The following NXPH1 variants were observed in gnomAD, a reference collection of about 807,000 sequenced individuals.
NXPH1 encodes neurexophilin 1.
NXPH1 carries 5 observed loss-of-function variants against 23.7 expected under a neutral mutation model. The observed-to-expected ratio is 0.21, with a 90% CI of 0.11 to 0.44. The LOEUF (loss-of-function observed/expected upper bound fraction) is 0.44, where lower values mean the gene tolerates loss of function less well. Ranked by LOEUF, NXPH1 falls within the 20% of genes least tolerant of loss-of-function variation. The probability of loss-of-function intolerance (pLI) is 0.99; values close to 1 mark genes in which losing one functional copy is unlikely to be tolerated. For missense variants in NXPH1, 324 were observed against 321.6 expected (o/e 1.01, Z -0.06); for synonymous variants, 144 against 122.2 (o/e 1.18, Z -1.18).
Position 8,597,951 on chromosome 7 carries a change from C to T in NXPH1, c.55-153057C>T, listed in dbSNP as rs1180893880. ...AGTTCTTTTACTGCGGAGAGTGGTC[C>T]TATCATTTGAGTGTAGTCAATTAGC... On this transcript the variant is annotated intron_variant, in intron 2 of 2. Transcript: ENST00000405863. 2.6e-5 allele frequency among the ~76,000 whole-genome samples: 4 copies of T among 151,764 alleles called. No homozygotes were observed. In the East Asian group the frequency reaches 7.8e-4, roughly 30 times the overall value.
At chr7:8,579,888 G>C (rs897846195) in intron 2 of NXPH1, among the ~76,000 whole-genome samples, 1 of 152,102 alleles carries the variant, frequency 6.6e-6, no homozygotes, top group African/African-American at 2.4e-5. Context: ...ATCTAGAAGC[G>C]GGTCAGGCAT....
chr7:8,614,185 A>C (rs1819682281), intron 2 of NXPH1, among the ~76,000 whole-genome samples: 1 of 151,942 alleles, frequency 6.6e-6, no homozygotes, highest in Non-Finnish European at 1.5e-5. Context: ...TTTGTTAGAT[A>C]GATTATATCT....
intron 2 of NXPH1, among the ~76,000 whole-genome samples, chr7:8,535,826 G>A (rs1339179995): frequency 6.6e-6 from 1 of 151,970 alleles, no homozygotes; most frequent in Non-Finnish European, 1.5e-5. Context: ...AAAGGTGGTT[G>A]ATGTGAAAAT....
chr7:8,654,838 G>A (rs747506161), intron 2 of NXPH1, among the ~76,000 whole-genome samples: 10 of 152,194 alleles, frequency 6.6e-5, no homozygotes, highest in Non-Finnish European at 1.2e-4. Context: ...ACAGAAGAAA[G>A]AAGGGGTTTG....
At chr7:8,567,184 C>T in intron 2 of NXPH1, among the ~76,000 whole-genome samples, 1 of 151,992 alleles carries the variant, frequency 6.6e-6, no homozygotes, top group African/African-American at 2.4e-5. Flanking sequence ...GATTTTATCT[C>T]CCCCAAATAA....
chr7:8,557,982 C>T (rs1818387447), intron 2 of NXPH1, among the ~76,000 whole-genome samples: 1 of 151,670 alleles, frequency 6.6e-6, no homozygotes. Flanking sequence ...ATTATCCTCT[C>T]TGCCCGCACA....
At chr7:8,567,470 G>A (rs567641914) in intron 2 of NXPH1, among the ~76,000 whole-genome samples, 1 of 151,914 alleles carries the variant, frequency 6.6e-6, no homozygotes, top group East Asian at 2.0e-4. Context: ...CCTTAGAATG[G>A]GACAATTTCT....
chr7:8,746,188 G>A (rs1300348498), intron 2 of NXPH1, among the ~76,000 whole-genome samples: 1 of 152,032 alleles, frequency 6.6e-6, no homozygotes, highest in Non-Finnish European at 1.5e-5. Flanking sequence ...AATTGGAGTT[G>A]TTAGTCTTGA....
intron 2 of NXPH1, among the ~76,000 whole-genome samples, chr7:8,739,954 A>G (rs1390412049): frequency 1.3e-5 from 2 of 152,186 alleles, no homozygotes; most frequent in African/African-American, 2.4e-5. Context: ...CCACCATTGT[A>G]TATGCAGTCC....
chr7:8,652,719 C>A (rs1820508911), intron 2 of NXPH1, among the ~76,000 whole-genome samples: 1 of 152,108 alleles, frequency 6.6e-6, no homozygotes, highest in Non-Finnish European at 1.5e-5. Flanking sequence ...TATTTTTCCT[C>A]ATTATCACAC....
At chr7:8,439,923 C>G (rs1325576861) in intron 2 of NXPH1, among the ~76,000 whole-genome samples, 1 of 152,202 alleles carries the variant, frequency 6.6e-6, no homozygotes, top group Non-Finnish European at 1.5e-5. Flanking sequence ...CAGCTGCACA[C>G]TGAAAATTCT....
intron 2 of NXPH1, among the ~76,000 whole-genome samples, chr7:8,548,831 G>A (rs1017061782): frequency 2.6e-5 from 4 of 151,472 alleles, no homozygotes; most frequent in African/African-American, 9.7e-5. Flanking sequence ...ATAAATACTG[G>A]CACTTACTGT....
intron 2 of NXPH1, among the ~76,000 whole-genome samples, chr7:8,659,275 A>G (rs1240221556): frequency 6.6e-6 from 1 of 152,236 alleles, no homozygotes; most frequent in Non-Finnish European, 1.5e-5. Context: ...TGCTATTTAG[A>G]AAAACATTGG....
intron 2 of NXPH1, among the ~76,000 whole-genome samples, chr7:8,454,930 T>C (rs537084738): frequency 3.3e-5 from 5 of 152,096 alleles, no homozygotes; most frequent in African/African-American, 1.2e-4. Context: ...AGACAGAAAA[T>C]GGATGAAGAG....
At chr7:8,734,152 T>G (rs1780204924) in intron 2 of NXPH1, among the ~76,000 whole-genome samples, 1 of 152,246 alleles carries the variant, frequency 6.6e-6, no homozygotes, top group African/African-American at 2.4e-5. Context: ...GTTGCTTGTT[T>G]TTGTCAGGTT....
intron 2 of NXPH1, among the ~76,000 whole-genome samples, chr7:8,437,449 C>T (rs765440341): frequency 6.6e-6 from 1 of 152,092 alleles, no homozygotes; most frequent in Non-Finnish European, 1.5e-5. Flanking sequence ...ACCCGCTTGC[C>T]CTTTTCCTCT....
intron 2 of NXPH1, among the ~76,000 whole-genome samples, chr7:8,662,410 G>T (rs1338668436): frequency 6.6e-6 from 1 of 151,500 alleles, no homozygotes; most frequent in Admixed American, 6.6e-5. Flanking sequence ...AAACTATGGG[G>T]ATAAGTTTTG....
chr7:8,655,709 C>T (rs7795908), intron 2 of NXPH1, among the ~76,000 whole-genome samples: 107,297 of 151,730 alleles, frequency 0.71, 38,668 homozygotes, highest in East Asian at 1. Context: ...AAGAGAATAA[C>T]AAGCAGTTCA....
chr7:8,690,575 A>C (rs556917486), intron 2 of NXPH1, among the ~76,000 whole-genome samples: 28 of 152,366 alleles, frequency 1.8e-4, no homozygotes, highest in African/African-American at 6.5e-4. Context: ...CAGCATAGAT[A>C]CTTGTAAGTT....
Sources: allele counts gnomAD v4.1 joint callset (sites outside exome capture counted in the v4.1 genomes callset), GRCh38; gene constraint gnomAD v4.1.1; transcripts MANE v1.5; gene names NCBI Gene and HGNC (gene_info 2026-07-23, HGNC 2026-07-21).